Variants in OR7C1 observed in about 807,000 individuals in gnomAD.
OR7C1 encodes the protein olfactory receptor family 7 subfamily C member 1, also known as olfactory receptor 7C1.
For synonymous variants in OR7C1, 152 were observed against 160.7 expected (o/e 0.95, Z 0.41); for missense variants, 324 against 383.3 (o/e 0.85, Z 1.29).
chr19:14,805,555 A>G (rs900174719), intron 2 of OR7C1, among the ~76,000 whole-genome samples: 3 of 151,442 alleles, frequency 2.0e-5, no homozygotes, highest in African/African-American at 7.3e-5. Context: ...AGCTGGGATA[A>G]AAGGCATGTG....
intron 1 of OR7C1, chr19:14,821,443 TCTC>T (rs1374247839): frequency 6.6e-6 from 1 of 152,200 alleles, no homozygotes; most frequent in Non-Finnish European, 1.5e-5. Flanking sequence ...GTGTGGCTCT[TCTC>T]TTGAGCTCTT....
At chr19:14,815,980 C>A (rs2044714676) in intron 1 of OR7C1, among the ~76,000 whole-genome samples, 1 of 152,062 alleles carries the variant, frequency 6.6e-6, no homozygotes, top group African/African-American at 2.4e-5. Flanking sequence ...TGCCACCATG[C>A]CCAGTTAATT....
chr19:14,814,228 G>C (rs2044705823), intron 1 of OR7C1, among the ~76,000 whole-genome samples: 1 of 147,702 alleles, frequency 6.8e-6, no homozygotes, highest in South Asian at 2.1e-4. Context: ...GCAATGAGCA[G>C]AGTGAAAAGA....
chr19:14,808,607 T>C (rs1020304859), intron 2 of OR7C1, among the ~76,000 whole-genome samples: 2 of 150,488 alleles, frequency 1.3e-5, no homozygotes, highest in South Asian at 2.1e-4. Context: ...ATAGTAGGCA[T>C]TGGAGACTCC....
exon 5 of OR7C1, chr19:14,799,625 T>C: frequency 6.2e-7 from 1 of 1,613,844 alleles, no homozygotes; most frequent in Non-Finnish European, 8.5e-7. Context: ...AATTTCCATT[T>C]CGGTGCAGAA....
intron 1 of OR7C1, among the ~76,000 whole-genome samples, chr19:14,811,663 C>T (rs1180151918): frequency 6.6e-6 from 1 of 151,486 alleles, no homozygotes; most frequent in Non-Finnish European, 1.5e-5. Flanking sequence ...TAGGATTTGG[C>T]CTGTGGGCAG....
In OR7C1 at chr19:14,800,169, A is replaced by G. The variant is rs754690552; in HGVS notation, c.-13-20T>C. On this transcript the variant is annotated intron_variant, in intron 4 of 4. Coordinates refer to ENST00000641666, the Ensembl canonical transcript of OR7C1. ...AAATAACTGCCACAAGAGAGAAAAA[A>G]GCAACAGTCAATTATCAACACACTG... is the stretch of plus-strand genomic sequence containing the variant. 6.6e-7 allele frequency: 1 copy of G among 1,512,428 alleles called. No individual in the cohort carries two copies. Among genetic ancestry groups the G allele is most frequent in the Admixed American group, 2.2e-5 (1 of 44,522 alleles). The allele number at this position is 1,512,428 out of a possible 1,614,324, so 93.7% of individuals were successfully genotyped here. A position where few individuals can be genotyped will look rare whatever the true frequency, so the allele number is the denominator to read the frequency against.
At chr19:14,811,199 T>C (rs2044689385) in intron 1 of OR7C1, among the ~76,000 whole-genome samples, 1 of 151,904 alleles carries the variant, frequency 6.6e-6, no homozygotes, top group Non-Finnish European at 1.5e-5. Flanking sequence ...ACTGGGTGGC[T>C]GAAAACAACA....
rs189283552 is a variant in OR7C1, at chr19:14,812,866, C to A, written c.-622-2873G>T. ...ATCACTTGAGGTCAGGAGTTCAAGA[C>A]CGGCCTTGCCAGCATGGTGAAACCC... On this transcript the variant is annotated intron_variant, in intron 1 of 4. Coordinates refer to ENST00000641666, the Ensembl canonical transcript of OR7C1. 2.7e-3 allele frequency among the ~76,000 whole-genome samples: 404 copies of A among 151,580 alleles called. 1 individual carries two copies. Among genetic ancestry groups the A allele is most frequent in the African/African-American group, 9.4e-3 (390 of 41,344 alleles).
chr19:14,831,842 C>T (rs1260572777), intron 1 of OR7C1, among the ~76,000 whole-genome samples: 2 of 152,040 alleles, frequency 1.3e-5, no homozygotes, highest in Non-Finnish European at 1.5e-5. Flanking sequence ...CATGAAAATG[C>T]CTGCCCAGAC....
chr19:14,810,088 A>G (rs1160742773), intron 1 of OR7C1, 95 bp from the exon 2 acceptor site: 2 of 151,948 alleles, frequency 1.3e-5, no homozygotes, highest in East Asian at 3.9e-4. Flanking sequence ...TCAATTCTCC[A>G]AGCAGTTCAG....
chr19:14,828,317 A>G, intron 1 of OR7C1: 1 of 1,427,986 alleles, frequency 7.0e-7, no homozygotes, highest in South Asian at 1.4e-5. Context: ...CCTTTCAGAA[A>G]TACCATCATT....
rs544172815 is a variant in OR7C1 at position 14,825,111 on chromosome 19, G to A, written c.-623+9963C>T. On this transcript the variant is annotated intron_variant, in intron 1 of 4. Coordinates refer to ENST00000641666, the Ensembl canonical transcript of OR7C1. ...CCAGGCATGGTGGTGTGAGCCTGTG[G>A]TTCCAGCTACTCAGGAGGCTGAGGC... 2.0e-5 allele frequency: 3 copies of A among 152,304 alleles called. No homozygotes were observed. The South Asian group carries it at 6.2e-4, about 32-fold the overall frequency. The allele number at this position is 152,304 out of a possible 1,614,324, so 9.4% of individuals were successfully genotyped here.
intron 1 of OR7C1, among the ~76,000 whole-genome samples, chr19:14,830,657 T>C (rs919629565): frequency 2.6e-5 from 4 of 152,210 alleles, no homozygotes; most frequent in Non-Finnish European, 5.9e-5. Flanking sequence ...GTTTTAATGA[T>C]TATTAAAGTT....
At chr19:14,821,765 C>T (rs1402857908) in intron 1 of OR7C1, among the ~76,000 whole-genome samples, 1 of 152,144 alleles carries the variant, frequency 6.6e-6, no homozygotes, top group Non-Finnish European at 1.5e-5. Context: ...TCAATCAGTC[C>T]CAATCTCAGA....
chr19:14,824,036 C>T (rs1201672253), intron 1 of OR7C1, among the ~76,000 whole-genome samples: 1 of 152,022 alleles, frequency 6.6e-6, no homozygotes, highest in African/African-American at 2.4e-5. Context: ...ACCTTTTCCC[C>T]TCTGATTCAC....
chr19:14,808,747 G>A (rs780809794), intron 2 of OR7C1, among the ~76,000 whole-genome samples: 6 of 151,896 alleles, frequency 4.0e-5, no homozygotes, highest in Non-Finnish European at 7.4e-5. Flanking sequence ...TAACACAAAC[G>A]TACTTGCATT....
At chr19:14,810,514 G>A (rs2044686092) in intron 1 of OR7C1, among the ~76,000 whole-genome samples, 1 of 151,432 alleles carries the variant, frequency 6.6e-6, no homozygotes, top group Admixed American at 6.6e-5. Context: ...CGAGTAGCTG[G>A]GACTACAGGC....
At chr19:14,813,399 C>CA (rs1352613343) in intron 1 of OR7C1, among the ~76,000 whole-genome samples, 4 of 151,508 alleles carry the variant, frequency 2.6e-5, no homozygotes, top group African/African-American at 4.8e-5. Context: ...ACTAAAAATA[C>CA]AAAAAATTAG....
Sources: gnomAD v4.1 joint callset for allele counts (sites outside exome capture counted in the v4.1 genomes callset) on GRCh38, gnomAD v4.1.1 for gene constraint, MANE v1.5 for transcripts, NCBI Gene and HGNC (gene_info 2026-07-23, HGNC 2026-07-21) for gene names.